The following GLIS3 variants were observed in gnomAD, a reference collection of about 807,000 sequenced individuals.
The protein encoded by GLIS3 is zinc finger protein GLIS3.
GLIS3 carries 53 observed loss-of-function variants against 78.6 expected under a neutral mutation model. The ratio of observed to expected loss-of-function variants is 0.67; its 90% CI spans 0.54 to 0.85. The LOEUF (loss-of-function observed/expected upper bound fraction) is 0.85. Among genes scored for constraint, GLIS3 ranks in the 40% least tolerant of loss-of-function variants. The pLI is 0.00. For missense variants in GLIS3, 1,703 were observed against 1,231.1 expected, an observed-to-expected ratio of 1.38 and a Z score of -5.74; for synonymous variants, 684 against 509.9, an observed-to-expected ratio of 1.34 and a Z score of -4.60.
At chr9:4,281,206 G>T (rs1452922553) in intron 2 of GLIS3, among the ~76,000 whole-genome samples, 1 of 152,188 alleles carries the variant, frequency 6.6e-6, no homozygotes, top group Non-Finnish European at 1.5e-5. Context: ...AAATTTTGGA[G>T]TAAGATTGGA....
chr9:3,905,905 C>G lies in GLIS3; in HGVS notation c.1984-7070G>C, dbSNP rs539184289. ...CATACTCTGTAGGGATGATGCACACCTCTATCTACATGCTCCCCACATGCT... is the reference window on the plus strand; with the variant it reads ...CATACTCTGTAGGGATGATGCACACGTCTATCTACATGCTCCCCACATGCT... On this transcript the variant is annotated intron_variant, in intron 6 of 10. Coordinates refer to ENST00000381971, the MANE Select transcript of GLIS3 (RefSeq NM_001042413.2). Among the ~76,000 whole-genome samples the G allele has an allele frequency of 2.0e-5, 3 of 152,296 alleles. No homozygotes were observed. In the South Asian group the frequency reaches 6.2e-4, roughly 32 times the overall value.
chr9:4,251,701 G>T (rs1029483746), intron 2 of GLIS3, among the ~76,000 whole-genome samples: 1 of 152,134 alleles, frequency 6.6e-6, no homozygotes, highest in East Asian at 1.9e-4. Context: ...CTTCAGTGTC[G>T]ATGGTCTTTA....
chr9:4,027,096 C>A (rs1278617953), intron 4 of GLIS3, among the ~76,000 whole-genome samples: 1 of 152,184 alleles, frequency 6.6e-6, no homozygotes, highest in African/African-American at 2.4e-5. Flanking sequence ...TGAGCCAAAC[C>A]TTTGGACACA....
Position 3,894,463 on chromosome 9 carries a change from GA to G in GLIS3, c.2128+4227del, listed in dbSNP as rs146318644. Among the ~76,000 whole-genome samples, 1,467 of 152,116 alleles carry G rather than the reference GA, an allele frequency of 9.6e-3. 17 individuals carry two copies. Among genetic ancestry groups the G allele is most frequent in the African/African-American group, 0.033 (1,388 of 41,496 alleles). ...CAAATATACTCAATTTAAGAATGTA[GA>G]AAACATATTAAAACATGTACCATAA... is the stretch of plus-strand genomic sequence containing the variant. On this transcript the variant is annotated intron_variant, in intron 7 of 10. Coordinates refer to ENST00000381971, the MANE Select transcript of GLIS3 (RefSeq NM_001042413.2).
At chr9:4,127,353 A>G (rs1384914448) in intron 2 of GLIS3, among the ~76,000 whole-genome samples, 1 of 152,140 alleles carries the variant, frequency 6.6e-6, no homozygotes, top group Non-Finnish European at 1.5e-5. Flanking sequence ...TTCCAAGATC[A>G]TTTGCTCCAA....
chr9:3,898,712 G>A lies in GLIS3; in HGVS notation c.2107C>T (p.Pro703Ser), dbSNP rs200705602. The A allele has an allele frequency of 7.0e-5, 113 of 1,614,020 alleles. No individual in the cohort carries two copies. The highest frequency in any genetic ancestry group is 8.9e-5 in the Non-Finnish European group (105 of 1,180,016). Residue 703 changes from proline to serine, a missense_variant, in exon 7 of 11, where the codon CCC becomes TCC. Coordinates refer to ENST00000381971, the MANE Select transcript of GLIS3 (RefSeq NM_001042413.2). ...TTACCTGAATAGAGGTCAGGCCCGG[G>A]TCCAGGGGAGCGTCCCACGGTCCCT... ...AEGTVGRSPG[P>S]GPDLYSAPIF...
intron 3 of GLIS3, among the ~76,000 whole-genome samples, chr9:4,309,884 T>A (rs745316151): frequency 6.6e-6 from 1 of 152,184 alleles, no homozygotes; most frequent in Non-Finnish European, 1.5e-5. Flanking sequence ...ATAAAATTTA[T>A]AATGCACAAA....
chr9:3,921,134 T>C (rs917483941), intron 6 of GLIS3, among the ~76,000 whole-genome samples: 1 of 152,154 alleles, frequency 6.6e-6, no homozygotes, highest in South Asian at 2.1e-4. Flanking sequence ...TCCTTCAAGA[T>C]AAGGTGTGTA....
the GLIS3 span, among the ~76,000 whole-genome samples, chr9:4,469,855 TTGAGAA>T: frequency 3.3e-5 from 5 of 152,012 alleles, no homozygotes; most frequent in African/African-American, 1.2e-4. Flanking sequence ...AGCTGTTTTT[TTGAGAA>T]GATCAACAAA....
chr9:4,234,025 C>T (rs745788481), intron 2 of GLIS3, among the ~76,000 whole-genome samples: 1 of 152,184 alleles, frequency 6.6e-6, no homozygotes, highest in Admixed American at 6.5e-5. Context: ...CTTTGTAACA[C>T]TGAAGAGAGT....
At chr9:4,190,789 T>G (rs1818260949) in intron 2 of GLIS3, among the ~76,000 whole-genome samples, 1 of 152,046 alleles carries the variant, frequency 6.6e-6, no homozygotes, top group African/African-American at 2.4e-5. Context: ...GAGAGAAAGG[T>G]TGGGTTACCC....
At chr9:4,405,431 G>C in the GLIS3 span, among the ~76,000 whole-genome samples, 1,375 of 151,994 alleles carry the variant, frequency 9.0e-3, 22 homozygotes, top group African/African-American at 0.032. Flanking sequence ...ATGATCATTA[G>C]TGGCTACTAT....
chr9:4,176,957 C>T (rs527974607), intron 2 of GLIS3, among the ~76,000 whole-genome samples: 1 of 152,266 alleles, frequency 6.6e-6, no homozygotes, highest in African/African-American at 2.4e-5. Context: ...TTTTTCAGGA[C>T]CAATTTGTAG....
chr9:4,158,547 T>A (rs756880266), intron 2 of GLIS3, among the ~76,000 whole-genome samples: 2 of 152,240 alleles, frequency 1.3e-5, no homozygotes, highest in Non-Finnish European at 2.9e-5. Flanking sequence ...ATGTCCCCGA[T>A]ATGCTGAGAT....
intron 4 of GLIS3, among the ~76,000 whole-genome samples, chr9:4,067,414 T>C (rs1024680666): frequency 1.4e-4 from 22 of 152,006 alleles, no homozygotes; most frequent in African/African-American, 5.1e-4. Flanking sequence ...CCACTTAATT[T>C]TGCATAAGCA....
In GLIS3 at chr9:3,970,588, C is replaced by G. The variant is rs534323345; in HGVS notation, c.1711-33399G>C. Among the ~76,000 whole-genome samples, 14 of 152,276 alleles carry G rather than the reference C, an allele frequency of 9.2e-5. No individual in the cohort carries two copies. The East Asian group carries it at 2.7e-3, about 29-fold the overall frequency. ...CCCAGGATGCTGCTAATGCACAGGACAGCCCTCATAACAAAGAACTATCTG... is the reference window on the plus strand; with the variant it reads ...CCCAGGATGCTGCTAATGCACAGGAGAGCCCTCATAACAAAGAACTATCTG... On this transcript the variant is annotated intron_variant, in intron 4 of 10. Transcript: ENST00000381971.
intron 4 of GLIS3, among the ~76,000 whole-genome samples, chr9:4,004,745 A>G (rs1821405062): frequency 6.6e-6 from 1 of 152,190 alleles, no homozygotes; most frequent in African/African-American, 2.4e-5. Flanking sequence ...ATTTACTGAG[A>G]AGATATACTG....
At chr9:3,983,051 C>T (rs1379854297) in intron 4 of GLIS3, among the ~76,000 whole-genome samples, 1 of 152,150 alleles carries the variant, frequency 6.6e-6, no homozygotes, top group Non-Finnish European at 1.5e-5. Flanking sequence ...GGCTGTGTCC[C>T]CACCCAAATC....
At chr9:3,875,540 G>A (rs962371790) in intron 8 of GLIS3, 2 of 152,122 alleles carry the variant, frequency 1.3e-5, no homozygotes, top group East Asian at 1.9e-4. Context: ...ACCTATTTCC[G>A]TTAAGAAAAC....
Sources: allele counts gnomAD v4.1 joint callset (sites outside exome capture counted in the v4.1 genomes callset), GRCh38; gene constraint gnomAD v4.1.1; transcripts MANE v1.5; gene names NCBI Gene and HGNC (gene_info 2026-07-23, HGNC 2026-07-21).